The following PHLPP2 variants were observed in gnomAD, a reference collection of about 807,000 sequenced individuals.
PHLPP2 encodes the protein PH domain leucine-rich repeat-containing protein phosphatase 2.
PHLPP2 carries 66 observed loss-of-function variants against 124.9 expected under a neutral mutation model. That is an observed-to-expected ratio of 0.53 (90% CI 0.43 to 0.65). PHLPP2 has a LOEUF of 0.65. PHLPP2 is among the 30% of genes least tolerant of loss of function. The probability of loss-of-function intolerance (pLI) is 0.00; values close to 1 mark genes in which losing one functional copy is unlikely to be tolerated. For synonymous variants in PHLPP2, 681 were observed against 624.7 expected (o/e 1.09, Z -1.34); for missense variants, 1,685 against 1,600.4 (o/e 1.05, Z -0.90).
intron 2 of PHLPP2, among the ~76,000 whole-genome samples, chr16:71,705,878 G>A (rs2045270361): frequency 6.6e-6 from 1 of 152,090 alleles, no homozygotes; most frequent in African/African-American, 2.4e-5. Flanking sequence ...ATTTCAAGAA[G>A]TACAAAAACA....
In PHLPP2 at chr16:71,672,284, G is replaced by A; in HGVS notation, c.1510C>T (p.Leu504Phe). Reference protein sequence around the residue: ...AVNVYPVPSLLTFLDLSRNLL... With the variant: ...AVNVYPVPSLFTFLDLSRNLL... ...CACCGGGAGAGATCCAAGAAAGTGA[G>A]CAGGCTGGGTACTGGATAGACGTTC... Residue 504 changes from leucine (L) to phenylalanine (F), a missense_variant, in exon 10 of 19, where the codon CTC becomes TTC. Physicochemically the swap from Leu to Phe is conservative, Grantham distance 22 (BLOSUM62 0). Transcript: ENST00000568954. 2 of 1,613,648 alleles carry A rather than the reference G, an allele frequency of 1.2e-6. No homozygotes were observed. Among genetic ancestry groups the A allele is most frequent in the South Asian group, 1.1e-5 (1 of 91,068 alleles).
intron 1 of PHLPP2, among the ~76,000 whole-genome samples, chr16:71,716,768 C>T (rs915983933): frequency 1.3e-5 from 2 of 152,192 alleles, no homozygotes; most frequent in East Asian, 3.8e-4. Flanking sequence ...CAGGCATCAC[C>T]TTCTCTATGG....
chr16:71,697,404 A>G (rs2045183686), intron 3 of PHLPP2, among the ~76,000 whole-genome samples: 1 of 152,084 alleles, frequency 6.6e-6, no homozygotes, highest in Non-Finnish European at 1.5e-5. Context: ...ATTTTGTCAC[A>G]TGTACACACC....
At chr16:71,718,735 A>G (rs1330113752) in intron 1 of PHLPP2, among the ~76,000 whole-genome samples, 1 of 152,150 alleles carries the variant, frequency 6.6e-6, no homozygotes, top group Non-Finnish European at 1.5e-5. Context: ...TTAAAACAAC[A>G]ACAACAAAAT....
At chr16:71,724,068 C>T (rs1366972483) in intron 1 of PHLPP2, 1 of 158,378 alleles carries the variant, frequency 6.3e-6, no homozygotes, top group Non-Finnish European at 1.4e-5. Context: ...CACCGAGCCG[C>T]ATTCCGGCCG....
chr16:71,649,018 C>A lies in PHLPP2; in HGVS notation c.3844G>T (p.Val1282Phe). 1.2e-6 allele frequency: 2 copies of A among 1,614,112 alleles called. No individual in the cohort carries two copies. Among genetic ancestry groups the A allele is most frequent in the Non-Finnish European group, 1.7e-6 (2 of 1,180,004 alleles). The change falls in exon 19 of 19, where the codon GTT (valine) becomes TTT (phenylalanine). Residue 1282 changes from valine to phenylalanine, a missense_variant. Val to Phe is a conservative substitution (Grantham distance 50). Transcript: ENST00000568954. ...PTQMEPEDQF[V>F]VPHDLEEEVK... is the part of the protein sequence containing the mutation. ...TCTTCTTCCAGGTCATGAGGCACAA[C>A]AAACTGGTCCTCTGGTTCCATCTGA...
chr16:71,688,268 G>A (rs1040798497), intron 4 of PHLPP2, among the ~76,000 whole-genome samples: 3 of 152,114 alleles, frequency 2.0e-5, no homozygotes, highest in Admixed American at 6.5e-5. Context: ...TTTTGATCCT[G>A]GGCATATTGC....
intron 15 of PHLPP2, among the ~76,000 whole-genome samples, chr16:71,657,408 T>G (rs1231877341): frequency 6.7e-6 from 1 of 149,484 alleles, no homozygotes; most frequent in Non-Finnish European, 1.5e-5. Context: ...TTTTTTCTCT[T>G]TTTTGAGAAG....
At chr16:71,723,747 G>T in intron 1 of PHLPP2, 3 of 1,204,368 alleles carry the variant, frequency 2.5e-6, no homozygotes, top group Non-Finnish European at 3.3e-6. Context: ...TCGCTCGCTC[G>T]CTGGTCCATC....
chr16:71,684,484 C>T lies in PHLPP2; in HGVS notation c.727G>A (p.Ala243Thr), dbSNP rs1275682176. Residue 243 changes from alanine to threonine, a missense_variant, in exon 5 of 19, where the codon GCA (alanine) becomes ACA (threonine). Ala to Thr is a moderately conservative substitution (Grantham distance 58). Transcript: ENST00000568954. ...ATCCCATTACTTTTCACCTTGGATG[C>T]TTGCCGTTGCCATCGCTGGTACTCG... ...LAEYQRWQRQASKVVSQRIST... is the reference protein window; with the variant it reads ...LAEYQRWQRQTSKVVSQRIST... 2 of 1,613,966 alleles carry T rather than the reference C, an allele frequency of 1.2e-6. No individual in the cohort carries two copies. The highest frequency in any genetic ancestry group is 1.1e-5 in the South Asian group (1 of 91,078).
chr16:71,697,874 G>T (rs1422302723), intron 3 of PHLPP2, among the ~76,000 whole-genome samples: 2 of 139,312 alleles, frequency 1.4e-5, no homozygotes, highest in Non-Finnish European at 3.0e-5. Context: ...TTGAGATGGA[G>T]TCTTGCTCTG....
At chr16:71,692,106 G>A (rs1395068311) in intron 3 of PHLPP2, among the ~76,000 whole-genome samples, 1 of 151,518 alleles carries the variant, frequency 6.6e-6, no homozygotes. Flanking sequence ...GTCTTGCTCT[G>A]TCGCCCAGGT....
rs1295157732 is a variant in PHLPP2, at chr16:71,649,079, C to T, written c.3783G>A (p.Val1261=). The change falls in exon 19 of 19, where the codon GTG becomes GTA. Residue 1261 remains valine, a synonymous_variant. Transcript: ENST00000568954. ...CAAAATAGCCAGTTTTCCTCTTGGG[C>T]ACTTCTGTGGCCACTTCAATGAGGT... ...SLNLIEVATE[V]PKRKTGYFAA... is the part of the protein sequence containing the mutation. 1.2e-6 allele frequency: 2 copies of T among 1,614,134 alleles called. No homozygotes were observed. Among genetic ancestry groups the T allele is most frequent in the Non-Finnish European group, 1.7e-6 (2 of 1,180,026 alleles).
At chr16:71,723,668 C>CGGGGCG (rs2045412925) in intron 1 of PHLPP2, 1 of 499,828 alleles carries the variant, frequency 2.0e-6, no homozygotes. Flanking sequence ...AGCCACTGCG[C>CGGGGCG]GGGGCGGGGG....
chr16:71,652,542 T>C (rs1394552344), intron 18 of PHLPP2, among the ~76,000 whole-genome samples: 1 of 152,264 alleles, frequency 6.6e-6, no homozygotes, highest in Non-Finnish European at 1.5e-5. Flanking sequence ...ACAACCCAGC[T>C]ATCAATATAC....
At chr16:71,678,625 G>C (rs565098683) in intron 8 of PHLPP2, 130 bp downstream of exon 8, 1 of 632,714 alleles carries the variant, frequency 1.6e-6, no homozygotes, top group Admixed American at 2.8e-5. Context: ...GGGTGACAAA[G>C]TGAGACCTTG....
intron 8 of PHLPP2, chr16:71,678,451 A>C (rs2044967420): frequency 3.6e-6 from 1 of 281,302 alleles, no homozygotes; most frequent in African/African-American, 2.2e-5. Context: ...CTGCCTGCAC[A>C]ACATGGTGAA....
At chr16:71,656,787 G>C in intron 15 of PHLPP2, 106 bp from the exon 16 acceptor site, 1 of 645,318 alleles carries the variant, frequency 1.5e-6, no homozygotes, top group Non-Finnish European at 2.7e-6. Context: ...TCTCCCTCTT[G>C]TCACCCAGGC....
At position 71,649,545 on chromosome 16, in the gene PHLPP2, A is replaced by C; in HGVS notation, c.3317T>G (p.Leu1106Arg). Residue 1106 changes from leucine (L) to arginine (R), a missense_variant, in exon 19 of 19, where the codon CTG (leucine) becomes CGG (arginine). Transcript: ENST00000568954. The stretch of plus-strand genomic sequence containing the variant: ...TGGCCTCGGAAGCAAGGCAGTGTCC[A>C]GGCCCCCAGCATTATGCTCATCAGA... ...TASDEHNAGG[L>R]DTALLPRPER... is the part of the protein sequence containing the mutation. 6.2e-7 allele frequency: 1 copy of C among 1,614,190 alleles called. No homozygotes were observed. Among genetic ancestry groups the C allele is most frequent in the Non-Finnish European group, 8.5e-7 (1 of 1,180,036 alleles).
Sources: gnomAD v4.1 joint callset for allele counts (sites outside exome capture counted in the v4.1 genomes callset) on GRCh38, gnomAD v4.1.1 for gene constraint, MANE v1.5 for transcripts, NCBI Gene and HGNC (gene_info 2026-07-23, HGNC 2026-07-21) for gene names.